The following SH3D19 variants were observed in gnomAD, a reference collection of about 807,000 sequenced individuals.
SH3D19 encodes SH3 domain containing 19, also known as SH3 domain-containing protein 19.
SH3D19 carries 58 observed loss-of-function variants against 112.1 expected under a neutral mutation model. That is an observed-to-expected ratio of 0.52 (90% CI 0.42 to 0.64). The LOEUF is 0.64. SH3D19 is among the 30% of genes least tolerant of loss of function. The pLI, the probability that SH3D19 is intolerant of heterozygous loss-of-function variation, is 0.00. For synonymous variants in SH3D19, 391 were observed against 448.5 expected (o/e 0.87, Z 1.62); for missense variants, 1,090 against 1,263.4 (o/e 0.86, Z 2.08).
At chr4:151,266,128 A>G (rs1772771745) in intron 1 of SH3D19, 1 of 152,198 alleles carries the variant, frequency 6.6e-6, no homozygotes. Context: ...CTTGGGTATA[A>G]TCTTAAGGCA....
chr4:151,259,893 G>A (rs1271753252), intron 1 of SH3D19, among the ~76,000 whole-genome samples: 5 of 151,870 alleles, frequency 3.3e-5, no homozygotes, highest in East Asian at 3.9e-4. Flanking sequence ...TCCTCAATTC[G>A]AAGCCTCTAC....
chr4:151,295,549 T>C (rs894340814), intron 1 of SH3D19, among the ~76,000 whole-genome samples: 2 of 152,204 alleles, frequency 1.3e-5, no homozygotes, highest in Non-Finnish European at 2.9e-5. Flanking sequence ...AACAGCTAAC[T>C]CACTTCCTGT....
intron 2 of SH3D19, among the ~76,000 whole-genome samples, chr4:151,214,425 T>C (rs1335626518): frequency 6.9e-5 from 1 of 14,436 alleles, no homozygotes; most frequent in African/African-American, 9.0e-5. Context: ...GAGGCGCCCC[T>C]CACCTCCCGG....
chr4:151,186,485 G>A (rs1761791736), intron 3 of SH3D19, among the ~76,000 whole-genome samples: 3 of 152,226 alleles, frequency 2.0e-5, no homozygotes, highest in African/African-American at 7.2e-5. Context: ...CCAGGCTGGA[G>A]TGCAGTGGCA....
chr4:151,189,471 T>A (rs2407429), intron 2 of SH3D19, among the ~76,000 whole-genome samples: 1 of 151,984 alleles, frequency 6.6e-6, no homozygotes, highest in Non-Finnish European at 1.5e-5. Context: ...CCACCCAAAT[T>A]TCATCGTGAA....
At chr4:151,274,660 G>T (rs1014494481) in intron 1 of SH3D19, among the ~76,000 whole-genome samples, 1 of 152,178 alleles carries the variant, frequency 6.6e-6, no homozygotes, top group Non-Finnish European at 1.5e-5. Context: ...TTCCAGCTCT[G>T]GTCTTCAGGG....
At chr4:151,291,276 C>T (rs575033863) in intron 1 of SH3D19, 2 of 1,614,004 alleles carry the variant, frequency 1.2e-6, no homozygotes, top group African/African-American at 2.7e-5. Flanking sequence ...CAAGAGCCAA[C>T]AATCTAGACT....
chr4:151,212,804 T>C (rs28791569), intron 2 of SH3D19, among the ~76,000 whole-genome samples: 2,801 of 152,352 alleles, frequency 0.018, 82 homozygotes, highest in African/African-American at 0.063. Context: ...TTGCCATAGA[T>C]AGTAATTCCT....
At chr4:151,264,171 G>T in intron 1 of SH3D19, among the ~76,000 whole-genome samples, 1 of 152,006 alleles carries the variant, frequency 6.6e-6, no homozygotes, top group East Asian at 1.9e-4. Context: ...GCTCACTCAC[G>T]TCTGTAATCC....
chr4:151,249,299 T>C (rs1037213467), intron 1 of SH3D19, among the ~76,000 whole-genome samples: 1 of 152,236 alleles, frequency 6.6e-6, no homozygotes, highest in East Asian at 1.9e-4. Flanking sequence ...TCTAGTTTCA[T>C]ACTTAAGACT....
At chr4:151,315,708 T>C (rs993604049) in intron 1 of SH3D19, among the ~76,000 whole-genome samples, 7 of 152,008 alleles carry the variant, frequency 4.6e-5, no homozygotes, top group Admixed American at 3.9e-4. Flanking sequence ...TCCCATCTAC[T>C]TGGGAGGCAG....
At chr4:151,255,699 C>G (rs373391207) in intron 1 of SH3D19, among the ~76,000 whole-genome samples, 1 of 152,008 alleles carries the variant, frequency 6.6e-6, no homozygotes, top group Admixed American at 6.6e-5. Context: ...AGGTTGTAGC[C>G]AGCCGAGATC....
intron 8 of SH3D19, among the ~76,000 whole-genome samples, chr4:151,162,960 G>A (rs1757411359): frequency 6.6e-6 from 1 of 152,142 alleles, no homozygotes; most frequent in Non-Finnish European, 1.5e-5. Flanking sequence ...CAGAATATAT[G>A]GTTTATGCTG....
At chr4:151,307,827 C>A (rs932238357) in intron 1 of SH3D19, among the ~76,000 whole-genome samples, 4 of 152,206 alleles carry the variant, frequency 2.6e-5, no homozygotes, top group Non-Finnish European at 5.9e-5. Context: ...GATTTGCCTT[C>A]CAACCTTGTG....
At chr4:151,255,317 G>T (rs1443418800) in intron 1 of SH3D19, among the ~76,000 whole-genome samples, 1 of 151,214 alleles carries the variant, frequency 6.6e-6, no homozygotes. Context: ...AGACGGGGCG[G>T]CCGGGCAGAG....
At chr4:151,184,779 A>G (rs973304862) in intron 3 of SH3D19, among the ~76,000 whole-genome samples, 3 of 152,174 alleles carry the variant, frequency 2.0e-5, no homozygotes, top group Admixed American at 2.0e-4. Context: ...GTTCACCACC[A>G]AATTTCATAG....
At chr4:151,276,944 G>A (rs1214469384) in intron 1 of SH3D19, among the ~76,000 whole-genome samples, 2 of 152,134 alleles carry the variant, frequency 1.3e-5, no homozygotes, top group African/African-American at 4.8e-5. Context: ...TGCTCTCCCA[G>A]GACAGCAGGG....
Position 151,139,701 on chromosome 4 carries a change from G to T in SH3D19, c.2296+74C>A, listed in dbSNP as rs1222995436. On this transcript the variant is annotated intron_variant, in intron 13 of 19. Transcript: ENST00000604030. ...AAAATGAAGAAGGATGTCCTTGAGA[G>T]GCTAACCCCCGGCAGGGAAAAAGAC... 3 of 1,357,900 alleles carry T rather than the reference G, an allele frequency of 2.2e-6. No individual in the cohort carries two copies. In the Admixed American group the frequency reaches 5.4e-5, roughly 24 times the overall value. 84.1% of individuals were successfully genotyped at this position (1,357,900 alleles called of 1,614,324 possible).
chr4:151,258,875 C>A (rs1466994177), intron 1 of SH3D19, among the ~76,000 whole-genome samples: 1 of 152,088 alleles, frequency 6.6e-6, no homozygotes, highest in Non-Finnish European at 1.5e-5. Flanking sequence ...GCCCTCAGGA[C>A]AGAGACACGG....
Sources: allele counts gnomAD v4.1 joint callset (sites outside exome capture counted in the v4.1 genomes callset), GRCh38; gene constraint gnomAD v4.1.1; transcripts MANE v1.5; gene names NCBI Gene and HGNC (gene_info 2026-07-23, HGNC 2026-07-21).